RCAN2: variants seen among roughly 807,000 people sequenced by gnomAD.
RCAN2 encodes regulator of calcineurin 2, also known as calcipressin-2.
In RCAN2, 9 loss-of-function variants were observed where a neutral mutation model predicts 23.6. The observed-to-expected ratio is 0.38, with a 90% CI of 0.23 to 0.67. The LOEUF is 0.67. Among genes scored for constraint, RCAN2 ranks in the 30% least tolerant of loss-of-function variants. The pLI, the probability that RCAN2 is intolerant of heterozygous loss-of-function variation, is 0.51. For missense variants in RCAN2, 273 were observed against 302.3 expected (o/e 0.90, Z 0.72); for synonymous variants, 109 against 115.7 (o/e 0.94, Z 0.37).
intron 2 of RCAN2, among the ~76,000 whole-genome samples, chr6:46,422,986 G>C (rs142127688): frequency 0.017 from 2,538 of 152,256 alleles, 53 homozygotes; most frequent in South Asian, 0.12. Flanking sequence ...TTTAGGACCA[G>C]ACAGACTTAT....
chr6:46,365,681 CATTTT>C (rs1765153528), intron 2 of RCAN2, among the ~76,000 whole-genome samples: 1 of 152,082 alleles, frequency 6.6e-6, no homozygotes, highest in African/African-American at 2.4e-5. Flanking sequence ...TTTAAGATCT[CATTTT>C]ATAGTCTCAA....
intron 2 of RCAN2, among the ~76,000 whole-genome samples, chr6:46,262,679 T>C (rs773665857): frequency 6.6e-6 from 1 of 152,140 alleles, no homozygotes; most frequent in African/African-American, 2.4e-5. Context: ...TCCCCACAGC[T>C]TTTAGAATAA....
In RCAN2 at chr6:46,235,614, G is replaced by A. The variant is rs533835492; in HGVS notation, c.571+11134C>T. 7.9e-5 allele frequency among the ~76,000 whole-genome samples: 12 copies of A among 152,230 alleles called. No individual in the cohort carries two copies. In the South Asian group the frequency reaches 1.5e-3, roughly 18 times the overall value. On this transcript the variant is annotated intron_variant, in intron 4 of 4. Coordinates refer to ENST00000371374, the MANE Select transcript of RCAN2 (RefSeq NM_001251974.2). ...TCTAGGTTCCGTTACCAGCTATCACGCTTCTTAGAATTGCCATCATTCTTC... is the reference window on the plus strand; with the variant it reads ...TCTAGGTTCCGTTACCAGCTATCACACTTCTTAGAATTGCCATCATTCTTC...
chr6:46,226,640 C>A (rs1024041296), intron 4 of RCAN2, among the ~76,000 whole-genome samples: 1 of 152,040 alleles, frequency 6.6e-6, no homozygotes, highest in Admixed American at 6.5e-5. Flanking sequence ...GATTTTGTAT[C>A]CTGAGACTTT....
At chr6:46,405,348 G>A (rs567644937) in intron 2 of RCAN2, among the ~76,000 whole-genome samples, 3 of 152,156 alleles carry the variant, frequency 2.0e-5, no homozygotes, top group Non-Finnish European at 4.4e-5. Flanking sequence ...AAGGGGACCC[G>A]AGCGGGTTGC....
chr6:46,436,725 C>T (rs1767377682), intron 2 of RCAN2, among the ~76,000 whole-genome samples: 1 of 152,158 alleles, frequency 6.6e-6, no homozygotes, highest in Non-Finnish European at 1.5e-5. Flanking sequence ...GTTAAATAAA[C>T]TGCCTATGGT....
intron 2 of RCAN2, among the ~76,000 whole-genome samples, chr6:46,270,879 A>T (rs538206733): frequency 6.6e-6 from 1 of 152,302 alleles, no homozygotes; most frequent in South Asian, 2.1e-4. Context: ...TCCTGCTAAC[A>T]GCCACTGAGT....
chr6:46,389,241 C>A (rs564172567), intron 2 of RCAN2, among the ~76,000 whole-genome samples: 2 of 152,216 alleles, frequency 1.3e-5, no homozygotes, highest in Admixed American at 6.5e-5. Flanking sequence ...AATCTCCCAT[C>A]ACTACTGTCT....
chr6:46,232,002 A>T (rs1261048937), intron 4 of RCAN2, among the ~76,000 whole-genome samples: 2 of 152,236 alleles, frequency 1.3e-5, no homozygotes, highest in African/African-American at 4.8e-5. Context: ...AAGTGGTGAA[A>T]TCATAGGCAG....
chr6:46,242,422 C>A (rs1029826263), intron 4 of RCAN2, among the ~76,000 whole-genome samples: 6 of 152,190 alleles, frequency 3.9e-5, no homozygotes. Context: ...AGCCCGAGTC[C>A]CATCTCACTC....
At chr6:46,401,845 G>T (rs976010425) in intron 2 of RCAN2, among the ~76,000 whole-genome samples, 7 of 152,070 alleles carry the variant, frequency 4.6e-5, no homozygotes, top group Non-Finnish European at 7.3e-5. Context: ...CTCCATAATG[G>T]GGGGAGACTA....
intron 2 of RCAN2, among the ~76,000 whole-genome samples, chr6:46,401,388 T>A (rs1273625264): frequency 6.6e-6 from 1 of 152,160 alleles, no homozygotes; most frequent in Non-Finnish European, 1.5e-5. Context: ...AGTTTGAACA[T>A]GGGGGAGACA....
intron 2 of RCAN2, among the ~76,000 whole-genome samples, chr6:46,315,197 A>G (rs1193727738): frequency 6.6e-6 from 1 of 152,204 alleles, no homozygotes; most frequent in Non-Finnish European, 1.5e-5. Context: ...ATGGGAGTCT[A>G]TCATTCATTT....
intron 2 of RCAN2, among the ~76,000 whole-genome samples, chr6:46,324,517 CCACA>C (rs1763726943): frequency 6.6e-6 from 1 of 152,196 alleles, no homozygotes; most frequent in South Asian, 2.1e-4. Context: ...ATTCCTCCCA[CCACA>C]CAATGAACAA....
chr6:46,328,076 T>C (rs1368412747), intron 2 of RCAN2, among the ~76,000 whole-genome samples: 1 of 152,204 alleles, frequency 6.6e-6, no homozygotes, highest in Non-Finnish European at 1.5e-5. Context: ...GAAAGAGCTA[T>C]AAAAGATAAA....
intron 4 of RCAN2, among the ~76,000 whole-genome samples, chr6:46,241,377 A>T (rs566547359): frequency 3.3e-5 from 5 of 152,346 alleles, no homozygotes. Flanking sequence ...GCTTCTACAC[A>T]TTCCCCAAGG....
chr6:46,235,050 A>G (rs1343557913), intron 4 of RCAN2, among the ~76,000 whole-genome samples: 1 of 152,126 alleles, frequency 6.6e-6, no homozygotes, highest in African/African-American at 2.4e-5. Flanking sequence ...TTTCTCTCTC[A>G]TGCCACCTTG....
chr6:46,468,726 A>G, intron 1 of RCAN2: 542 of 422,890 alleles, frequency 1.3e-3, no homozygotes, highest in Non-Finnish European at 1.6e-3. Flanking sequence ...ATACCCTCAG[A>G]TTCCCTCTCT....
chr6:46,439,683 T>C (rs897469085), intron 2 of RCAN2, among the ~76,000 whole-genome samples: 3 of 152,212 alleles, frequency 2.0e-5, no homozygotes, highest in African/African-American at 7.2e-5. Context: ...AGCCTGGTTG[T>C]CAAGGAGGCT....
Sources: allele counts gnomAD v4.1 joint callset (sites outside exome capture counted in the v4.1 genomes callset), GRCh38; gene constraint gnomAD v4.1.1; transcripts MANE v1.5; gene names NCBI Gene and HGNC (gene_info 2026-07-23, HGNC 2026-07-21).